The following ANAPC10 variants were observed in gnomAD, a reference collection of about 807,000 sequenced individuals.
ANAPC10 encodes anaphase promoting complex subunit 10.
Under a neutral mutation model 22.0 loss-of-function variants are expected in ANAPC10, and 12 were observed. The ratio of observed to expected loss-of-function variants is 0.55; its 90% confidence interval spans 0.35 to 0.88. ANAPC10 has a LOEUF of 0.88. Among genes scored for constraint, ANAPC10 ranks in the 40% least tolerant of loss-of-function variants. The pLI, the probability that ANAPC10 is intolerant of heterozygous loss-of-function variation, is 0.01. For synonymous variants in ANAPC10, 65 were observed against 69.5 expected (o/e 0.94, Z 0.32); for missense variants, 188 against 220.9 (o/e 0.85, Z 0.94).
At chr4:145,097,821 C>A in intron 1 of ANAPC10, 1 of 339,728 alleles carries the variant, frequency 2.9e-6, no homozygotes. Flanking sequence ...GGACTTGGGA[C>A]TGGACGCCAC....
chr4:145,037,946 CAAAA>C (rs36071811), intron 4 of ANAPC10, among the ~76,000 whole-genome samples: 2 of 71,644 alleles, frequency 2.8e-5, no homozygotes, highest in Non-Finnish European at 6.3e-5. Flanking sequence ...AACCCTGTCT[CAAAA>C]AAAAAAAAAA....
chr4:145,097,637 T>G (rs1345455851), intron 1 of ANAPC10: 2 of 749,172 alleles, frequency 2.7e-6, no homozygotes, highest in Non-Finnish European at 4.0e-6. Flanking sequence ...AGTAATTTAC[T>G]GAATGAATAA....
intron 4 of ANAPC10, among the ~76,000 whole-genome samples, chr4:145,041,218 G>T (rs949178226): frequency 3.9e-5 from 6 of 152,114 alleles, no homozygotes; most frequent in Non-Finnish European, 5.9e-5. Context: ...TCTAACAATA[G>T]TTAAGGTGAA....
At chr4:145,092,731 T>C (rs566781944) in intron 2 of ANAPC10, among the ~76,000 whole-genome samples, 28 of 152,140 alleles carry the variant, frequency 1.8e-4, no homozygotes, top group African/African-American at 6.7e-4. Flanking sequence ...TGACCACCAG[T>C]GAAGGAAAGC....
At chr4:145,076,743 T>C (rs1024752835) in intron 3 of ANAPC10, among the ~76,000 whole-genome samples, 2 of 152,092 alleles carry the variant, frequency 1.3e-5, no homozygotes, top group Non-Finnish European at 2.9e-5. Flanking sequence ...AAAGACGAAA[T>C]AGCTATTTTA....
intron 2 of ANAPC10, among the ~76,000 whole-genome samples, chr4:145,095,126 G>A (rs1047076228): frequency 2.6e-5 from 4 of 152,114 alleles, no homozygotes; most frequent in Non-Finnish European, 5.9e-5. Context: ...AAAATTCAGT[G>A]CATTAGAATT....
At chr4:145,025,166 G>A (rs1311741311) in intron 4 of ANAPC10, among the ~76,000 whole-genome samples, 1 of 152,138 alleles carries the variant, frequency 6.6e-6, no homozygotes, top group Non-Finnish European at 1.5e-5. Flanking sequence ...GGAATGTTGT[G>A]GCTGGTTTGA....
intron 2 of ANAPC10, among the ~76,000 whole-genome samples, chr4:145,095,499 C>T (rs190710647): frequency 6.6e-6 from 1 of 152,170 alleles, no homozygotes; most frequent in Non-Finnish European, 1.5e-5. Flanking sequence ...TCAACATCAT[C>T]GTGGCTTGAT....
chr4:145,009,357 A>G (rs978071407), intron 4 of ANAPC10, among the ~76,000 whole-genome samples: 39 of 152,312 alleles, frequency 2.6e-4, no homozygotes, highest in Non-Finnish European at 4.4e-4. Context: ...GGAACCAAAA[A>G]AGAGCCCACA....
intron 4 of ANAPC10, among the ~76,000 whole-genome samples, chr4:145,016,657 TG>T (rs1735207132): frequency 6.6e-6 from 1 of 152,128 alleles, no homozygotes; most frequent in Admixed American, 6.6e-5. Context: ...GAGTCCACAT[TG>T]CCAAGTCAAT....
chr4:144,997,056 T>C (rs1475590875), intron 4 of ANAPC10, among the ~76,000 whole-genome samples: 1 of 151,936 alleles, frequency 6.6e-6, no homozygotes, highest in East Asian at 1.9e-4. Flanking sequence ...TAAAAAGAAA[T>C]GAACAAAGCC....
chr4:144,998,789 G>C (rs759590199), intron 4 of ANAPC10, among the ~76,000 whole-genome samples: 3 of 152,100 alleles, frequency 2.0e-5, no homozygotes, highest in Non-Finnish European at 4.4e-5. Context: ...GAAGGAGATA[G>C]AGACACAAAA....
At chr4:145,072,251 G>T (rs911380259) in intron 3 of ANAPC10, among the ~76,000 whole-genome samples, 1 of 152,168 alleles carries the variant, frequency 6.6e-6, no homozygotes, top group African/African-American at 2.4e-5. Context: ...TTCTCATCCA[G>T]AGCAGAGAAA....
chr4:145,063,447 T>C (rs1437521211), intron 4 of ANAPC10, among the ~76,000 whole-genome samples: 3 of 138,876 alleles, frequency 2.2e-5, no homozygotes, highest in African/African-American at 8.1e-5. Context: ...TTCTATTAAG[T>C]ATTTTATTAC....
intron 4 of ANAPC10, among the ~76,000 whole-genome samples, chr4:145,011,297 A>C (rs1402203888): frequency 6.6e-6 from 1 of 151,604 alleles, no homozygotes; most frequent in Non-Finnish European, 1.5e-5. Flanking sequence ...AGATTGCGCC[A>C]CTGTACTCTG....
At chr4:145,073,336 C>T (rs1039689180) in intron 3 of ANAPC10, among the ~76,000 whole-genome samples, 1 of 152,182 alleles carries the variant, frequency 6.6e-6, no homozygotes, top group Non-Finnish European at 1.5e-5. Flanking sequence ...TGTAGTGCTA[C>T]CAGGCAATAG....
At chr4:145,090,285 T>C (rs1747479265) in intron 2 of ANAPC10, among the ~76,000 whole-genome samples, 1 of 152,164 alleles carries the variant, frequency 6.6e-6, no homozygotes, top group Non-Finnish European at 1.5e-5. Flanking sequence ...TGTTTTTCTA[T>C]TTGTGTTATT....
chr4:145,003,147 A>C (rs186993969), intron 4 of ANAPC10, among the ~76,000 whole-genome samples: 4 of 152,316 alleles, frequency 2.6e-5, no homozygotes, highest in African/African-American at 9.6e-5. Context: ...CAGTTTGCTT[A>C]GGATACTGGC....
At chr4:145,060,414 T>C (rs1240454076) in intron 4 of ANAPC10, among the ~76,000 whole-genome samples, 1 of 151,960 alleles carries the variant, frequency 6.6e-6, no homozygotes, top group Admixed American at 6.6e-5. Flanking sequence ...ACATGCTTCA[T>C]AACTAAAATG....
Sources: gnomAD v4.1 joint callset for allele counts (sites outside exome capture counted in the v4.1 genomes callset) on GRCh38, gnomAD v4.1.1 for gene constraint, MANE v1.5 for transcripts, NCBI Gene and HGNC (gene_info 2026-07-23, HGNC 2026-07-21) for gene names.